The following TMEM131 variants were observed in gnomAD, a reference collection of about 807,000 sequenced individuals.
The protein encoded by TMEM131 is transmembrane protein 131.
TMEM131 carries 66 observed loss-of-function variants against 211.6 expected under a neutral mutation model. The observed-to-expected ratio is 0.31, with a 90% CI of 0.26 to 0.38. The LOEUF (loss-of-function observed/expected upper bound fraction) is 0.38. Ranked by LOEUF, TMEM131 falls within the 10% of genes least tolerant of loss-of-function variation. TMEM131 has a pLI of 1.00. For synonymous variants in TMEM131, 844 were observed against 841.3 expected, an observed-to-expected ratio of 1.00 and a Z score of -0.06; for missense variants, 2,036 against 2,299.3, an observed-to-expected ratio of 0.89 and a Z score of 2.34.
intron 4 of TMEM131, among the ~76,000 whole-genome samples, chr2:97,860,695 G>GAAA (rs1674031252): frequency 6.6e-6 from 1 of 152,190 alleles, no homozygotes; most frequent in Non-Finnish European, 1.5e-5. Context: ...ATGGAATGCA[G>GAAA]GTGGAAGGGC....
intron 1 of TMEM131, among the ~76,000 whole-genome samples, chr2:97,939,065 A>C (rs1677588335): frequency 6.6e-6 from 1 of 152,244 alleles, no homozygotes; most frequent in Admixed American, 6.5e-5. Flanking sequence ...AAATGCCCAC[A>C]AGAGAAAGCA....
intron 40 of TMEM131, 55 bp from the exon 41 acceptor site, chr2:97,757,438 G>A: frequency 6.6e-7 from 1 of 1,516,798 alleles, no homozygotes; most frequent in Non-Finnish European, 8.8e-7. Flanking sequence ...AGGGTCAAGT[G>A]GGTAAGGGGG....
rs763292607 is a variant in TMEM131, at chr2:97,802,515, T to C, written c.2564A>G (p.Asn855Ser). The change falls in exon 24 of 41, where the codon AAT becomes AGT. Residue 855 changes from asparagine (N) to serine (S), a missense_variant. By Grantham distance (46) the Asn-to-Ser change is conservative (BLOSUM62 1). This residue lies in a region of TMEM131 where 1,623 missense variants were observed against 1,805.9 expected (regional missense o/e 0.90). Coordinates refer to ENST00000186436, the MANE Select transcript of TMEM131 (RefSeq NM_015348.2). ...CSSEEEITLE[N>S]PADVPVYVQF... ...AACATAGACAGGAACATCTGCAGGATTTTCTAAAGTAATCTCTTCTTCCTT... is the reference window on the plus strand; with the variant it reads ...AACATAGACAGGAACATCTGCAGGACTTTCTAAAGTAATCTCTTCTTCCTT... 1 of 1,611,748 alleles carries C rather than the reference T, an allele frequency of 6.2e-7. No homozygotes were observed. Among genetic ancestry groups the C allele is most frequent in the Non-Finnish European group, 8.5e-7 (1 of 1,179,178 alleles).
intron 11 of TMEM131, among the ~76,000 whole-genome samples, chr2:97,820,956 C>G (rs1682088881): frequency 6.6e-6 from 1 of 151,700 alleles, no homozygotes; most frequent in Non-Finnish European, 1.5e-5. Flanking sequence ...TTTTTCCCCC[C>G]ACAAATGAGC....
At chr2:97,799,885 T>C (rs1311364877) in intron 25 of TMEM131, among the ~76,000 whole-genome samples, 2 of 152,182 alleles carry the variant, frequency 1.3e-5, no homozygotes, top group African/African-American at 4.8e-5. Context: ...AGACTGAATG[T>C]AGAGGCAGAT....
intron 21 of TMEM131, 52 bp from the exon 22 acceptor site, chr2:97,805,257 C>T: frequency 6.4e-7 from 1 of 1,574,064 alleles, no homozygotes; most frequent in Non-Finnish European, 8.7e-7. Flanking sequence ...TGTCAATTTT[C>T]CTTCAAATAA....
At chr2:97,780,109 A>G (rs1050880707) in intron 31 of TMEM131, among the ~76,000 whole-genome samples, 1 of 152,194 alleles carries the variant, frequency 6.6e-6, no homozygotes, top group African/African-American at 2.4e-5. Context: ...TTAGGTATAA[A>G]TTCTATCCAG....
chr2:97,766,101 C>G lies in TMEM131; in HGVS notation c.4723+13G>C, dbSNP rs1679148869. 3 of 1,613,672 alleles carry G rather than the reference C, an allele frequency of 1.9e-6. No individual in the cohort carries two copies. Among genetic ancestry groups the G allele is most frequent in the Non-Finnish European group, 2.5e-6 (3 of 1,179,764 alleles). On this transcript the variant is annotated intron_variant, in intron 35 of 40. Coordinates refer to ENST00000186436, the MANE Select transcript of TMEM131 (RefSeq NM_015348.2). ...TAAGTGGAGCCCTGTGGTTTCTAAA[C>G]TACTATACTTACAGCTGCCAGGTTT...
At chr2:97,818,292 G>C (rs1222159266) in intron 12 of TMEM131, among the ~76,000 whole-genome samples, 2 of 151,962 alleles carry the variant, frequency 1.3e-5, no homozygotes, top group Non-Finnish European at 2.9e-5. Flanking sequence ...TCATAATTAA[G>C]ATGAATTATA....
At chr2:97,846,876 A>G (rs1410914628) in intron 5 of TMEM131, among the ~76,000 whole-genome samples, 2 of 152,152 alleles carry the variant, frequency 1.3e-5, no homozygotes, top group Admixed American at 6.6e-5. Context: ...CAGCTATCTA[A>G]CACTGTATTG....
At chr2:97,984,245 C>T (rs1475971768) in intron 1 of TMEM131, among the ~76,000 whole-genome samples, 1 of 152,088 alleles carries the variant, frequency 6.6e-6, no homozygotes, top group Non-Finnish European at 1.5e-5. Context: ...CTAGTCATTC[C>T]TCATAACTTT....
intron 4 of TMEM131, among the ~76,000 whole-genome samples, chr2:97,861,609 T>C (rs975347446): frequency 6.6e-6 from 1 of 151,542 alleles, no homozygotes; most frequent in Non-Finnish European, 1.5e-5. Flanking sequence ...GTGGTGGTGG[T>C]GGCCATGGGG....
intron 4 of TMEM131, among the ~76,000 whole-genome samples, chr2:97,867,905 C>T (rs1213857278): frequency 6.6e-6 from 1 of 152,106 alleles, no homozygotes; most frequent in Non-Finnish European, 1.5e-5. Context: ...CAGAGACTGC[C>T]ACTGTTCTTA....
At chr2:97,842,147 T>G (rs1683228737) in intron 6 of TMEM131, among the ~76,000 whole-genome samples, 1 of 152,190 alleles carries the variant, frequency 6.6e-6, no homozygotes, top group Non-Finnish European at 1.5e-5. Flanking sequence ...TTAGAATGAT[T>G]TCTTTAATAT....
intron 3 of TMEM131, among the ~76,000 whole-genome samples, chr2:97,892,911 A>T (rs1398072682): frequency 6.6e-6 from 1 of 151,946 alleles, no homozygotes; most frequent in Admixed American, 6.6e-5. Context: ...ACTTTTTTTT[A>T]ATATACTTTA....
rs1415675758 is a variant in TMEM131, at chr2:97,801,907, G to A, written c.2706C>T (p.Val902=). 6.2e-7 allele frequency: 1 copy of A among 1,607,206 alleles called. No homozygotes were observed. The highest frequency in any genetic ancestry group is 1.7e-5 in the Admixed American group (1 of 59,218). Residue 902 remains valine, a synonymous_variant, in exon 25 of 41, where the codon GTC becomes GTT. Coordinates refer to ENST00000186436, the MANE Select transcript of TMEM131 (RefSeq NM_015348.2). The stretch of plus-strand genomic sequence containing the variant: ...TTTGAATACTTACACTGTTTCTGAA[G>A]ACTTGAAATTCTAGTGTTCTCAAAT... ...KIDLRTLEFQ[V]FRNSAHPLQS... is the part of the protein sequence containing the mutation.
At chr2:97,884,029 C>A (rs1169667392) in intron 4 of TMEM131, among the ~76,000 whole-genome samples, 3 of 151,670 alleles carry the variant, frequency 2.0e-5, no homozygotes, top group South Asian at 2.1e-4. Context: ...TATTTGAAAT[C>A]TTTCTAGTTT....
intron 4 of TMEM131, among the ~76,000 whole-genome samples, chr2:97,871,913 T>C (rs1674504865): frequency 1.3e-5 from 2 of 150,578 alleles, no homozygotes; most frequent in Non-Finnish European, 2.9e-5. Context: ...AGAAAAACAT[T>C]TAACAGCACT....
At chr2:97,941,010 T>G (rs1677700605) in intron 1 of TMEM131, among the ~76,000 whole-genome samples, 1 of 152,000 alleles carries the variant, frequency 6.6e-6, no homozygotes, top group African/African-American at 2.4e-5. Flanking sequence ...GAACCCACAT[T>G]GCCAAGACAA....
Sources: gnomAD v4.1 joint callset for allele counts (sites outside exome capture counted in the v4.1 genomes callset) on GRCh38, gnomAD v4.1.1 for gene constraint, gnomAD v4.1.1 regional missense constraint, MANE v1.5 for transcripts, NCBI Gene and HGNC (gene_info 2026-07-23, HGNC 2026-07-21) for gene names.